NCALD: variants seen among roughly 807,000 people sequenced by gnomAD.
NCALD encodes the protein neurocalcin-delta.
In NCALD, 10 loss-of-function variants were observed where a neutral mutation model predicts 18.6. The observed-to-expected ratio is 0.54, with a 90% confidence interval of 0.33 to 0.91. The LOEUF is 0.91. Ranked by LOEUF, NCALD falls within the 40% of genes least tolerant of loss-of-function variation. NCALD has a pLI of 0.03. For synonymous variants in NCALD, 88 were observed against 87.4 expected, an observed-to-expected ratio of 1.01 and a Z score of -0.04; for missense variants, 184 against 247.6, an observed-to-expected ratio of 0.74 and a Z score of 1.72.
chr8:101,948,251 A>G (rs530958504), intron 2 of NCALD, among the ~76,000 whole-genome samples: 2 of 152,308 alleles, frequency 1.3e-5, no homozygotes, highest in South Asian at 4.1e-4. Flanking sequence ...GAAACAGACA[A>G]TGTTGAGCTA....
In NCALD at chr8:102,060,957, A is replaced by T. The variant is rs1203323093; in HGVS notation, c.-209-40668T>A. On this transcript the variant is annotated intron_variant, in intron 1 of 6. Transcript: ENST00000311028. ...TTTACATCTGGAAACAAAGCGACAA[A>T]AGCCGCTTTTCCTCATTTTCCACCA... 2.0e-5 allele frequency among the ~76,000 whole-genome samples: 3 copies of T among 152,284 alleles called. No homozygotes were observed. In the East Asian group the frequency reaches 5.8e-4, roughly 29 times the overall value.
At chr8:101,698,394 A>ATGTT (rs1432258011) in intron 2 of NCALD, among the ~76,000 whole-genome samples, 1 of 152,264 alleles carries the variant, frequency 6.6e-6, no homozygotes, top group Non-Finnish European at 1.5e-5. Context: ...ATTCCCATCA[A>ATGTT]ACTACCATTG....
chr8:101,722,543 G>A (rs1235063346), intron 1 of NCALD, among the ~76,000 whole-genome samples: 1 of 152,138 alleles, frequency 6.6e-6, no homozygotes, highest in Admixed American at 6.6e-5. Flanking sequence ...CTGCTTGCCT[G>A]GCCTTGGGGA....
intron 1 of NCALD, among the ~76,000 whole-genome samples, chr8:101,789,650 T>C (rs1405491746): frequency 6.6e-6 from 1 of 152,226 alleles, no homozygotes; most frequent in African/African-American, 2.4e-5. Context: ...TATTCATATA[T>C]ACAGTTAAAC....
At chr8:101,764,015 C>CACACACA (rs1563744453) in intron 1 of NCALD, among the ~76,000 whole-genome samples, 4 of 11,648 alleles carry the variant, frequency 3.4e-4, no homozygotes, top group Admixed American at 2.8e-3. Flanking sequence ...CACACACACA[C>CACACACA]CCCCTATTGG....
At chr8:102,041,795 C>A (rs1234110318) in intron 1 of NCALD, among the ~76,000 whole-genome samples, 1 of 149,698 alleles carries the variant, frequency 6.7e-6, no homozygotes, top group African/African-American at 2.5e-5. Flanking sequence ...ACACAGCAGT[C>A]TGAATGCAAA....
intron 4 of NCALD, among the ~76,000 whole-genome samples, chr8:101,865,710 G>A (rs753072011): frequency 6.6e-6 from 1 of 151,956 alleles, no homozygotes; most frequent in Non-Finnish European, 1.5e-5. Flanking sequence ...AGTATGGTAG[G>A]TTTACTGGAT....
chr8:101,952,115 A>G (rs529648492), intron 2 of NCALD, among the ~76,000 whole-genome samples: 135 of 152,332 alleles, frequency 8.9e-4, no homozygotes, highest in Middle Eastern at 3.4e-3. Context: ...GCAGGAGGGC[A>G]AGTGGGAACC....
intron 1 of NCALD, among the ~76,000 whole-genome samples, chr8:101,750,938 C>T (rs1810630347): frequency 6.6e-6 from 1 of 152,286 alleles, no homozygotes; most frequent in African/African-American, 2.4e-5. Context: ...GTCACACTTG[C>T]TTTTAGGGTA....
chr8:102,111,809 T>C (rs1048396868), intron 1 of NCALD, among the ~76,000 whole-genome samples: 2 of 152,180 alleles, frequency 1.3e-5, no homozygotes, highest in Admixed American at 1.3e-4. Context: ...ACTACAGTTA[T>C]GTATCACACA....
intron 1 of NCALD, among the ~76,000 whole-genome samples, chr8:101,758,878 A>G (rs1810997614): frequency 6.6e-6 from 1 of 152,196 alleles, no homozygotes; most frequent in Admixed American, 6.5e-5. Flanking sequence ...CAATAATAAG[A>G]AAGATCCCAA....
chr8:101,691,434 C>T (rs762304710), intron 3 of NCALD: 35 of 985,206 alleles, frequency 3.6e-5, no homozygotes, highest in Non-Finnish European at 3.7e-5. Flanking sequence ...CTGTGATCAA[C>T]ACACAGTTAG....
chr8:101,898,672 T>C lies in NCALD; in HGVS notation c.-106-11445A>G, dbSNP rs1016073728. On this transcript the variant is annotated intron_variant, in intron 3 of 6. Transcript: ENST00000311028. ...TTTTATTTTAAGTGTATGATCTATTTTGAGTTGCTTTTTAAGTTGTGGGGT... is the reference window on the plus strand; with the variant it reads ...TTTTATTTTAAGTGTATGATCTATTCTGAGTTGCTTTTTAAGTTGTGGGGT... 4.6e-5 allele frequency among the ~76,000 whole-genome samples: 7 copies of C among 152,104 alleles called. 1 individual carries two copies. The highest frequency in any genetic ancestry group is 2.0e-4 in the Admixed American group (3 of 15,266).
At chr8:101,931,181 G>C (rs749804184) in intron 2 of NCALD, among the ~76,000 whole-genome samples, 23 of 152,270 alleles carry the variant, frequency 1.5e-4, no homozygotes, top group East Asian at 9.7e-4. Context: ...CCAAGAAGCA[G>C]GGAACAAGCA....
intron 1 of NCALD, among the ~76,000 whole-genome samples, chr8:102,104,503 TA>T (rs561284528): frequency 6.6e-6 from 1 of 152,024 alleles, no homozygotes; most frequent in South Asian, 2.1e-4. Context: ...AATTATAACC[TA>T]AAAAAACCAC....
chr8:101,858,738 G>A (rs745852083), intron 4 of NCALD, among the ~76,000 whole-genome samples: 31 of 152,148 alleles, frequency 2.0e-4, no homozygotes, highest in Non-Finnish European at 4.4e-4. Flanking sequence ...ACAAGTGTCT[G>A]GATGATAGCC....
chr8:101,878,813 T>C (rs933954827), intron 4 of NCALD, among the ~76,000 whole-genome samples: 1 of 152,150 alleles, frequency 6.6e-6, no homozygotes, highest in Non-Finnish European at 1.5e-5. Flanking sequence ...CCAAGCTACT[T>C]TGGAGGCAGA....
At chr8:101,798,189 T>C (rs1812711703) in intron 4 of NCALD, among the ~76,000 whole-genome samples, 1 of 152,202 alleles carries the variant, frequency 6.6e-6, no homozygotes, top group African/African-American at 2.4e-5. Flanking sequence ...CTTAAAGGCA[T>C]ACAGTTTGGA....
intron 1 of NCALD, among the ~76,000 whole-genome samples, chr8:101,738,628 G>T (rs1196944502): frequency 6.6e-6 from 1 of 151,432 alleles, no homozygotes; most frequent in African/African-American, 2.4e-5. Context: ...GCCAAAAAAC[G>T]CTATCTGCGG....
Sources: gnomAD v4.1 joint callset for allele counts (sites outside exome capture counted in the v4.1 genomes callset) on GRCh38, gnomAD v4.1.1 for gene constraint, MANE v1.5 for transcripts, NCBI Gene and HGNC (gene_info 2026-07-23, HGNC 2026-07-21) for gene names.